The following ANAPC10 variants were observed in gnomAD, a reference collection of about 807,000 sequenced individuals.
ANAPC10 encodes anaphase promoting complex subunit 10.
ANAPC10 carries 12 observed loss-of-function variants against 22.0 expected under a neutral mutation model. That is an observed-to-expected ratio of 0.55 (90% CI 0.35 to 0.88). ANAPC10 has a LOEUF of 0.88. Among genes scored for constraint, ANAPC10 ranks in the 40% least tolerant of loss-of-function variants. ANAPC10 has a pLI of 0.01. For missense variants in ANAPC10, 188 were observed against 220.9 expected (o/e 0.85, Z 0.94); for synonymous variants, 65 against 69.5 (o/e 0.94, Z 0.32).
chr4:145,026,926 T>TAC (rs1174680882), intron 4 of ANAPC10, among the ~76,000 whole-genome samples: 2,742 of 25,862 alleles, frequency 0.11, 174 homozygotes, highest in East Asian at 0.14. Flanking sequence ...CATACATATA[T>TAC]ATATATATAT....
At chr4:145,037,486 G>A (rs1048856740) in intron 4 of ANAPC10, among the ~76,000 whole-genome samples, 3 of 151,968 alleles carry the variant, frequency 2.0e-5, no homozygotes, top group Admixed American at 2.0e-4. Flanking sequence ...TTAAGTAAAC[G>A]TGTCAGAAAT....
intron 4 of ANAPC10, among the ~76,000 whole-genome samples, chr4:145,028,480 A>C (rs1191660746): frequency 6.6e-6 from 1 of 151,978 alleles, no homozygotes; most frequent in African/African-American, 2.4e-5. Context: ...ATATATATAC[A>C]TATCTCCCAT....
chr4:144,995,662 T>C (rs1224769590), intron 4 of ANAPC10, 59 bp from the exon 5 acceptor site: 16 of 1,105,076 alleles, frequency 1.4e-5, no homozygotes, highest in Non-Finnish European at 2.1e-5. Flanking sequence ...TTTATAACAA[T>C]GAATGCATTC....
intron 4 of ANAPC10, among the ~76,000 whole-genome samples, chr4:145,030,491 A>G (rs1042618090): frequency 6.6e-6 from 1 of 152,320 alleles, no homozygotes; most frequent in East Asian, 1.9e-4. Flanking sequence ...CATTGATTCC[A>G]GGGGACCCAA....
intron 4 of ANAPC10, among the ~76,000 whole-genome samples, chr4:145,017,153 G>A (rs955571642): frequency 6.6e-6 from 1 of 152,148 alleles, no homozygotes; most frequent in Non-Finnish European, 1.5e-5. Flanking sequence ...CTTCTGCACA[G>A]CAAAAGAAAC....
intron 4 of ANAPC10, among the ~76,000 whole-genome samples, chr4:145,010,990 T>C (rs1053535430): frequency 1.3e-5 from 2 of 152,012 alleles, no homozygotes; most frequent in African/African-American, 4.8e-5. Flanking sequence ...GCTTCCACAA[T>C]AGAAGTCACA....
At chr4:145,038,781 C>G (rs1024331105) in intron 4 of ANAPC10, among the ~76,000 whole-genome samples, 2 of 144,688 alleles carry the variant, frequency 1.4e-5, no homozygotes, top group African/African-American at 5.1e-5. Context: ...AAGATCGCAC[C>G]ACTGCACTCC....
intron 4 of ANAPC10, among the ~76,000 whole-genome samples, chr4:145,021,146 C>A (rs1483994178): frequency 6.6e-6 from 1 of 152,076 alleles, no homozygotes; most frequent in Non-Finnish European, 1.5e-5. Context: ...AAAATACCAT[C>A]ATCATTCTTC....
intron 4 of ANAPC10, among the ~76,000 whole-genome samples, chr4:145,015,873 GACAA>G (rs1169056444): frequency 1.3e-5 from 2 of 152,128 alleles, no homozygotes; most frequent in Non-Finnish European, 2.9e-5. Flanking sequence ...GTGTTTTCCA[GACAA>G]ACAAGTGCTG....
At chr4:145,023,858 G>T (rs1267603210) in intron 4 of ANAPC10, among the ~76,000 whole-genome samples, 1 of 152,040 alleles carries the variant, frequency 6.6e-6, no homozygotes, top group Non-Finnish European at 1.5e-5. Context: ...CACAATGATT[G>T]ACTCTTCCTT....
chr4:145,063,743 T>C (rs992866462), intron 4 of ANAPC10, among the ~76,000 whole-genome samples: 2 of 152,156 alleles, frequency 1.3e-5, no homozygotes, highest in African/African-American at 4.8e-5. Context: ...GATAAATATA[T>C]TGTGGTATAT....
At chr4:145,022,860 A>C (rs1030298935) in intron 4 of ANAPC10, among the ~76,000 whole-genome samples, 1 of 151,428 alleles carries the variant, frequency 6.6e-6, no homozygotes, top group Non-Finnish European at 1.5e-5. Flanking sequence ...TTAATATATG[A>C]GTCATTCTTT....
chr4:145,094,394 C>T (rs1021449919), intron 2 of ANAPC10, among the ~76,000 whole-genome samples: 10 of 152,058 alleles, frequency 6.6e-5, no homozygotes, highest in South Asian at 4.1e-4. Context: ...GTTATATATT[C>T]GATTATAATG....
intron 1 of ANAPC10, chr4:145,097,638 G>C: frequency 1.3e-6 from 1 of 744,362 alleles, no homozygotes. Flanking sequence ...GTAATTTACT[G>C]AATGAATAAA....
intron 3 of ANAPC10, among the ~76,000 whole-genome samples, chr4:145,077,207 T>C (rs1349952025): frequency 2.0e-5 from 3 of 151,404 alleles, no homozygotes; most frequent in Non-Finnish European, 4.4e-5. Flanking sequence ...TCAAAAAAAA[T>C]AAATAAATAG....
At chr4:145,010,200 T>C (rs1453499095) in intron 4 of ANAPC10, among the ~76,000 whole-genome samples, 2 of 152,078 alleles carry the variant, frequency 1.3e-5, no homozygotes, top group African/African-American at 2.4e-5. Flanking sequence ...TGTGGAGAAA[T>C]AGGAACATTT....
chr4:145,096,299 T>G (rs558552897), intron 1 of ANAPC10, among the ~76,000 whole-genome samples, 188 bp from the exon 2 acceptor site: 1 of 152,324 alleles, frequency 6.6e-6, no homozygotes, highest in Admixed American at 6.5e-5. Context: ...GGCTCACACC[T>G]GTAATCCCAA....
rs776872612 is a variant in ANAPC10 at position 144,995,344 on chromosome 4, C to T, written c.*29G>A. 37 of 1,409,710 alleles carry T rather than the reference C, an allele frequency of 2.6e-5. No homozygotes were observed. The highest frequency in any genetic ancestry group is 6.0e-5 in the South Asian group (5 of 83,340). 87.3% of individuals were successfully genotyped at this position (1,409,710 alleles called of 1,614,324 possible). A position where few individuals can be genotyped will look rare whatever the true frequency, so the allele number is the denominator to read the frequency against. On this transcript the variant is annotated 3_prime_UTR_variant, in exon 5 of 5. Coordinates refer to ENST00000507656, the MANE Select transcript of ANAPC10 (RefSeq NM_001256706.2). ...TTAAATACAGGATAAAACAAAGATACGTTTAATGATTTTCGTCTCATTTTA... is the reference window on the plus strand; with the variant it reads ...TTAAATACAGGATAAAACAAAGATATGTTTAATGATTTTCGTCTCATTTTA...
At chr4:145,020,648 T>A (rs891844007) in intron 4 of ANAPC10, among the ~76,000 whole-genome samples, 30 of 152,102 alleles carry the variant, frequency 2.0e-4, no homozygotes, top group African/African-American at 7.0e-4. Context: ...ACTGTCACTG[T>A]TTACTGACAA....
Sources: gnomAD v4.1 joint callset for allele counts (sites outside exome capture counted in the v4.1 genomes callset) on GRCh38, gnomAD v4.1.1 for gene constraint, MANE v1.5 for transcripts, NCBI Gene and HGNC (gene_info 2026-07-23, HGNC 2026-07-21) for gene names.